CHN2: variants seen among roughly 807,000 people sequenced by gnomAD.
The protein encoded by CHN2 is chimerin 2.
Under a neutral mutation model 56.3 loss-of-function variants are expected in CHN2, and 35 were observed. The observed-to-expected ratio is 0.62, with a 90% CI of 0.47 to 0.82. The LOEUF (loss-of-function observed/expected upper bound fraction) is 0.82, where lower values mean the gene tolerates loss of function less well. Ranked by LOEUF, CHN2 falls within the 40% of genes least tolerant of loss-of-function variation. The probability of loss-of-function intolerance (pLI) is 0.00; values close to 1 mark genes in which losing one functional copy is unlikely to be tolerated. For missense variants in CHN2, 491 were observed against 580.5 expected, an observed-to-expected ratio of 0.85 and a Z score of 1.58; for synonymous variants, 210 against 212.8, an observed-to-expected ratio of 0.99 and a Z score of 0.12.
At chr7:29,362,500 C>T (rs1798816746) in intron 2 of CHN2, among the ~76,000 whole-genome samples, 1 of 152,196 alleles carries the variant, frequency 6.6e-6, no homozygotes, top group Non-Finnish European at 1.5e-5. Context: ...CCTGCTCAAA[C>T]ATGTGACTGT....
intron 6 of CHN2, among the ~76,000 whole-genome samples, chr7:29,425,994 A>AG (rs1804825055): frequency 6.6e-6 from 1 of 152,006 alleles, no homozygotes; most frequent in African/African-American, 2.4e-5. Context: ...ATGGATCATG[A>AG]GGTCAGGAGT....
Position 29,400,711 on chromosome 7 carries a change from T to C in CHN2, c.459T>C (p.Tyr153=), listed in dbSNP as rs144880288. ...CAAAAATGACAACTAACCCCATCTA[T>C]GAACACATTGGATATGCCACCCTAC... ...YISKMTTNPI[Y]EHIGYATLLR... is the part of the protein sequence containing the mutation. The change falls in exon 6 of 13, where the codon TAT becomes TAC. Residue 153 remains tyrosine (Y), a synonymous_variant. Coordinates refer to ENST00000222792, the MANE Select transcript of CHN2 (RefSeq NM_004067.4). 2.3e-5 allele frequency: 37 copies of C among 1,614,028 alleles called. No homozygotes were observed. The African/African-American group carries it at 4.4e-4, about 19-fold the overall frequency.
intron 1 of CHN2, among the ~76,000 whole-genome samples, chr7:29,216,871 A>G (rs1785383863): frequency 6.6e-6 from 1 of 152,236 alleles, no homozygotes; most frequent in African/African-American, 2.4e-5. Context: ...TTCAGTCTTA[A>G]GCAGTTTGGA....
intron 6 of CHN2, among the ~76,000 whole-genome samples, chr7:29,413,249 T>C (rs117282983): frequency 0.014 from 2,165 of 152,326 alleles, 12 homozygotes; most frequent in Non-Finnish European, 0.023. Flanking sequence ...CAACTTTGAT[T>C]GTTCTCAAGT....
intron 1 of CHN2, among the ~76,000 whole-genome samples, chr7:29,276,009 A>G (rs188961045): frequency 4.6e-5 from 7 of 152,224 alleles, no homozygotes; most frequent in African/African-American, 7.2e-5. Context: ...GCATTACCCA[A>G]TATGCCTGTA....
Position 29,405,222 on chromosome 7 carries a change from C to T in CHN2, c.576+4394C>T, listed in dbSNP as rs569633682. On this transcript the variant is annotated intron_variant, in intron 6 of 12. Transcript: ENST00000222792. ...ACACACACACACACACACACACACA[C>T]GGCAGTTCCAACACTCTGCACCCAG... Among the ~76,000 whole-genome samples, 60 of 146,518 alleles carry T rather than the reference C, an allele frequency of 4.1e-4. 1 individual carries two copies. The Middle Eastern group carries it at 0.01, about 25-fold the overall frequency.
chr7:29,155,854 T>C (rs1374791785), intron 2 of CHN2, among the ~76,000 whole-genome samples: 2 of 152,154 alleles, frequency 1.3e-5, no homozygotes, highest in African/African-American at 4.8e-5. Context: ...CATTTCTAAA[T>C]GCCCTCTGTC....
chr7:29,482,868 T>C (rs1300048032), intron 7 of CHN2, among the ~76,000 whole-genome samples: 23 of 124,332 alleles, frequency 1.8e-4, no homozygotes, highest in Non-Finnish European at 3.1e-4. Flanking sequence ...GTCTCCCAGG[T>C]TGGAGTGCAG....
chr7:29,442,245 A>G (rs1320105085), intron 6 of CHN2, among the ~76,000 whole-genome samples: 3 of 152,174 alleles, frequency 2.0e-5, no homozygotes, highest in Non-Finnish European at 4.4e-5. Flanking sequence ...AAGCCACAGG[A>G]AGGGTATTAG....
chr7:29,302,510 T>C (rs1249653842), intron 1 of CHN2, among the ~76,000 whole-genome samples: 2 of 149,014 alleles, frequency 1.3e-5, no homozygotes, highest in Non-Finnish European at 3.0e-5. Flanking sequence ...CTTTTTTTTT[T>C]TTTTTTTTTT....
At chr7:29,247,762 C>T (rs1406656064) in intron 1 of CHN2, among the ~76,000 whole-genome samples, 1 of 152,252 alleles carries the variant, frequency 6.6e-6, no homozygotes, top group Non-Finnish European at 1.5e-5. Context: ...TCTGTTATTT[C>T]CTCTGCCAGC....
Position 29,512,673 on chromosome 7 carries a change from G to C in CHN2, c.1345G>C (p.Asp449His). ...PEDSTLTTLH[D>H]MRYQKLIVQI... ...GGACAGCACCCTGACCACCCTGCAT[G>C]ATATGCGGTACCAAAAGCTGATTGT... is the stretch of plus-strand genomic sequence containing the variant. Residue 449 changes from aspartate to histidine, a missense_variant, in exon 13 of 13, where the codon GAT becomes CAT. Asp to His is a moderately conservative substitution (Grantham distance 81). Coordinates refer to ENST00000222792, the MANE Select transcript of CHN2 (RefSeq NM_004067.4). The C allele has an allele frequency of 6.2e-7, 1 of 1,614,192 alleles. No individual in the cohort carries two copies. The highest frequency in any genetic ancestry group is 8.5e-7 in the Non-Finnish European group (1 of 1,180,032).
chr7:29,449,655 G>A (rs570844137), intron 6 of CHN2, among the ~76,000 whole-genome samples: 1 of 152,230 alleles, frequency 6.6e-6, no homozygotes, highest in Non-Finnish European at 1.5e-5. Context: ...ATGGAGTTCT[G>A]TAGTATGTTG....
intron 2 of CHN2, 30 bp from the exon 3 acceptor site, chr7:29,367,902 T>C: frequency 6.8e-7 from 1 of 1,471,312 alleles, no homozygotes; most frequent in Non-Finnish European, 9.3e-7. Flanking sequence ...TTCTAATTAT[T>C]TCTCTCTCTC....
At chr7:29,353,405 G>A (rs1798035241) in intron 1 of CHN2, among the ~76,000 whole-genome samples, 2 of 152,224 alleles carry the variant, frequency 1.3e-5, no homozygotes, top group South Asian at 4.1e-4. Context: ...TGTAATCCTA[G>A]CACTTTGGGA....
intron 1 of CHN2, among the ~76,000 whole-genome samples, chr7:29,323,407 A>G (rs1795520853): frequency 6.6e-6 from 1 of 152,098 alleles, no homozygotes; most frequent in Admixed American, 6.6e-5. Context: ...ACCAAAGCAG[A>G]TGGCCCCCTC....
intron 1 of CHN2, among the ~76,000 whole-genome samples, chr7:29,327,688 GTAAT>G (rs952209761): frequency 3.3e-5 from 5 of 152,112 alleles, no homozygotes; most frequent in Admixed American, 1.3e-4. Context: ...AGAGAAGTGT[GTAAT>G]TAGTGGTTGT....
intron 7 of CHN2, among the ~76,000 whole-genome samples, chr7:29,489,634 A>G (rs1342721646): frequency 1.3e-5 from 2 of 152,208 alleles, no homozygotes; most frequent in Middle Eastern, 3.2e-3. Context: ...AAAGTAGGCA[A>G]TGGGCCTAAA....
chr7:29,268,517 C>A (rs1403108478), intron 1 of CHN2, among the ~76,000 whole-genome samples: 2 of 144,220 alleles, frequency 1.4e-5, no homozygotes, highest in Non-Finnish European at 2.9e-5. Flanking sequence ...TGCACCAATT[C>A]TCAGGGAAGG....
Sources: gnomAD v4.1 joint callset for allele counts (sites outside exome capture counted in the v4.1 genomes callset) on GRCh38, gnomAD v4.1.1 for gene constraint, MANE v1.5 for transcripts, NCBI Gene and HGNC (gene_info 2026-07-23, HGNC 2026-07-21) for gene names.